The following SLC24A3 variants were observed in gnomAD, a reference collection of about 807,000 sequenced individuals.
SLC24A3 encodes the protein solute carrier family 24 member 3.
In SLC24A3, 28 loss-of-function variants were observed where a neutral mutation model predicts 75.8. That is an observed-to-expected ratio of 0.37 (90% CI 0.27 to 0.51). The LOEUF is 0.51. Ranked by LOEUF, SLC24A3 falls within the 20% of genes least tolerant of loss-of-function variation. The pLI, the probability that SLC24A3 is intolerant of heterozygous loss-of-function variation, is 0.94. For missense variants in SLC24A3, 663 were observed against 847.8 expected (o/e 0.78, Z 2.71); for synonymous variants, 372 against 334.1 (o/e 1.11, Z -1.24).
At chr20:19,352,100 C>T (rs1985580766) in intron 2 of SLC24A3, among the ~76,000 whole-genome samples, 1 of 150,450 alleles carries the variant, frequency 6.6e-6, no homozygotes, top group Non-Finnish European at 1.5e-5. Context: ...CAGGGCAGCT[C>T]AGCCTTGGCC....
Position 19,294,058 on chromosome 20 carries a change from T to A in SLC24A3, c.271+12971T>A, listed in dbSNP as rs189437118. 2.6e-5 allele frequency among the ~76,000 whole-genome samples: 4 copies of A among 152,340 alleles called. No individual in the cohort carries two copies. The East Asian group carries it at 7.7e-4, about 29-fold the overall frequency. The stretch of plus-strand genomic sequence containing the variant: ...TAGGTTGCTTATAATACCTAATACC[T>A]AATACAATGCCTATACATCACTTCA... On this transcript the variant is annotated intron_variant, in intron 2 of 16. Coordinates refer to ENST00000328041, the MANE Select transcript of SLC24A3 (RefSeq NM_020689.4).
At chr20:19,606,788 G>A in intron 6 of SLC24A3, among the ~76,000 whole-genome samples, 1 of 152,200 alleles carries the variant, frequency 6.6e-6, no homozygotes, top group East Asian at 1.9e-4. Context: ...TTTTGCAGGT[G>A]AATGAACTGG....
chr20:19,555,265 G>A (rs1022188514), intron 3 of SLC24A3, among the ~76,000 whole-genome samples: 11 of 152,296 alleles, frequency 7.2e-5, no homozygotes, highest in Middle Eastern at 3.4e-3. Flanking sequence ...AACAGTGAAT[G>A]TCCCAGGATC....
At position 19,502,720 on chromosome 20, in the gene SLC24A3, C is replaced by T. The variant is rs1988402262; in HGVS notation, c.272-12768C>T. 2.6e-5 allele frequency among the ~76,000 whole-genome samples: 4 copies of T among 151,634 alleles called. No homozygotes were observed. The South Asian group carries it at 8.3e-4, about 32-fold the overall frequency. On this transcript the variant is annotated intron_variant, in intron 2 of 16. Coordinates refer to ENST00000328041, the MANE Select transcript of SLC24A3 (RefSeq NM_020689.4). Reference sequence around the variant, plus strand: ...TCTCCTGAGCCACCATCCATGAAGTCAAATATATAATAAAAAAAATTAATA... The same window carrying T: ...TCTCCTGAGCCACCATCCATGAAGTTAAATATATAATAAAAAAAATTAATA...
chr20:19,234,696 G>C (rs1982114543), intron 1 of SLC24A3, among the ~76,000 whole-genome samples: 2 of 152,188 alleles, frequency 1.3e-5, no homozygotes, highest in South Asian at 4.1e-4. Flanking sequence ...GATGTCATTG[G>C]TGTGCTCTGA....
chr20:19,371,246 G>T (rs768528263), intron 2 of SLC24A3, among the ~76,000 whole-genome samples: 1 of 152,162 alleles, frequency 6.6e-6, no homozygotes, highest in Non-Finnish European at 1.5e-5. Context: ...GGTAGGGGAG[G>T]ATGCTAATTC....
intron 7 of SLC24A3, among the ~76,000 whole-genome samples, chr20:19,659,386 G>A (rs2032301360): frequency 6.6e-6 from 1 of 152,242 alleles, no homozygotes; most frequent in Admixed American, 6.5e-5. Flanking sequence ...AGCACTTCTA[G>A]CAGAATTTAC....
intron 3 of SLC24A3, among the ~76,000 whole-genome samples, chr20:19,569,119 G>A (rs753031735): frequency 1.4e-4 from 21 of 152,158 alleles, no homozygotes; most frequent in Non-Finnish European, 2.2e-4. Context: ...CCTGTCCAGC[G>A]TAATGGGCCT....
intron 2 of SLC24A3, among the ~76,000 whole-genome samples, chr20:19,440,645 GTTTTTT>G (rs11469517): frequency 0.016 from 2,144 of 131,368 alleles, 51 homozygotes; most frequent in East Asian, 0.11. Flanking sequence ...AGGCCTCACT[GTTTTTT>G]TTTTTTTTTT....
intron 2 of SLC24A3, among the ~76,000 whole-genome samples, chr20:19,426,547 G>T (rs977861339): frequency 6.6e-6 from 1 of 152,154 alleles, no homozygotes; most frequent in East Asian, 1.9e-4. Flanking sequence ...CTAGGGATAG[G>T]CACTTGGATT....
chr20:19,498,685 G>A (rs772064130), intron 2 of SLC24A3, among the ~76,000 whole-genome samples: 1 of 152,138 alleles, frequency 6.6e-6, no homozygotes, highest in Non-Finnish European at 1.5e-5. Context: ...GTGGCAGATT[G>A]CATCTTCCCA....
chr20:19,694,218 G>A (rs1199054240), intron 13 of SLC24A3: 2 of 152,144 alleles, frequency 1.3e-5, no homozygotes, highest in Non-Finnish European at 2.9e-5. Context: ...ACCCATTTAT[G>A]GCTATACTTT....
At chr20:19,272,905 T>C (rs973676372) in intron 1 of SLC24A3, among the ~76,000 whole-genome samples, 18 of 151,912 alleles carry the variant, frequency 1.2e-4, no homozygotes, top group African/African-American at 4.4e-4. Context: ...GGACGGGTGA[T>C]GGAGTAAAGA....
intron 2 of SLC24A3, among the ~76,000 whole-genome samples, chr20:19,325,801 G>T (rs867162866): frequency 0.1 from 5,095 of 50,698 alleles, 85 homozygotes; most frequent in Non-Finnish European, 0.11. Context: ...TATATAGAGA[G>T]AGAGAGAGAG....
At chr20:19,571,727 A>G (rs2031055435) in intron 3 of SLC24A3, among the ~76,000 whole-genome samples, 1 of 152,298 alleles carries the variant, frequency 6.6e-6, no homozygotes, top group African/African-American at 2.4e-5. Flanking sequence ...CTGCAAGAAA[A>G]CTATTTCAGC....
chr20:19,225,265 T>C (rs1981840884), intron 1 of SLC24A3, among the ~76,000 whole-genome samples: 1 of 152,180 alleles, frequency 6.6e-6, no homozygotes, highest in African/African-American at 2.4e-5. Context: ...AAAATATTCC[T>C]AGGACCTTAA....
intron 3 of SLC24A3, among the ~76,000 whole-genome samples, chr20:19,573,132 A>C (rs995203195): frequency 1.3e-5 from 2 of 152,196 alleles, no homozygotes; most frequent in African/African-American, 4.8e-5. Context: ...AGTAAAAAGA[A>C]ATTGTCTGTG....
intron 2 of SLC24A3, among the ~76,000 whole-genome samples, chr20:19,425,499 A>G (rs1281301227): frequency 1.3e-5 from 2 of 152,210 alleles, no homozygotes; most frequent in Non-Finnish European, 2.9e-5. Context: ...ATTAAGGTCA[A>G]ACATTTTTGG....
chr20:19,271,261 G>C (rs1983321445), intron 1 of SLC24A3, among the ~76,000 whole-genome samples: 1 of 151,870 alleles, frequency 6.6e-6, no homozygotes, highest in Admixed American at 6.6e-5. Flanking sequence ...AATGATCAGG[G>C]AAATGCAAAT....
Sources: allele counts gnomAD v4.1 joint callset (sites outside exome capture counted in the v4.1 genomes callset), GRCh38; gene constraint gnomAD v4.1.1; transcripts MANE v1.5; gene names NCBI Gene and HGNC (gene_info 2026-07-23, HGNC 2026-07-21).